The following PDK1 variants were observed in gnomAD, a reference collection of about 807,000 sequenced individuals.
The protein encoded by PDK1 is pyruvate dehydrogenase kinase 1.
Under a neutral mutation model 54.2 loss-of-function variants are expected in PDK1, and 39 were observed. That is an observed-to-expected ratio of 0.72 (90% CI 0.56 to 0.94). The LOEUF is 0.94. PDK1 is among the 40% of genes least tolerant of loss of function. The pLI is 0.00. For synonymous variants in PDK1, 221 were observed against 207.1 expected, an observed-to-expected ratio of 1.07 and a Z score of -0.58; for missense variants, 552 against 566.0, an observed-to-expected ratio of 0.98 and a Z score of 0.25.
intron 9 of PDK1, among the ~76,000 whole-genome samples, chr2:172,588,013 A>T (rs1690356888): frequency 6.6e-6 from 1 of 152,208 alleles, no homozygotes; most frequent in Non-Finnish European, 1.5e-5. Flanking sequence ...CCGACCCAGA[A>T]GCCCAGTCCA....
At chr2:172,673,220 G>A in the PDK1 span, among the ~76,000 whole-genome samples, 1 of 152,196 alleles carries the variant, frequency 6.6e-6, no homozygotes, top group African/African-American at 2.4e-5. Context: ...CTTGGGGTGT[G>A]TTGTCCACAT....
Position 172,602,982 on chromosome 2 carries a change from C to T in PDK1, c.*7013C>T, listed in dbSNP as rs958629778. 4 of 152,136 alleles carry T rather than the reference C, an allele frequency of 2.6e-5. No homozygotes were observed. Among genetic ancestry groups the T allele is most frequent in the African/African-American group, 9.7e-5 (4 of 41,400 alleles). 9.4% of individuals were successfully genotyped at this position (152,136 alleles called of 1,614,324 possible). ...GTTGGCTTGATAAGGACTCACTTAA[C>T]CAATGGAAAGTAAGGTTAAATCTTT... On this transcript the variant is annotated 3_prime_UTR_variant, in exon 11 of 11. Coordinates refer to ENST00000282077, the MANE Select transcript of PDK1 (RefSeq NM_002610.5).
chr2:172,602,951 A>C lies in PDK1; in HGVS notation c.*6982A>C, dbSNP rs527468048. ...AGCTGAACTTGATTGTTACTCTTGGATCAGGGTTGGCTTGATAAGGACTCA... is the reference window on the plus strand; with the variant it reads ...AGCTGAACTTGATTGTTACTCTTGGCTCAGGGTTGGCTTGATAAGGACTCA... On this transcript the variant is annotated 3_prime_UTR_variant, in exon 11 of 11. Coordinates refer to ENST00000282077, the MANE Select transcript of PDK1 (RefSeq NM_002610.5). 3.3e-5 allele frequency: 5 copies of C among 152,310 alleles called. No homozygotes were observed. Among genetic ancestry groups the C allele is most frequent in the Admixed American group, 2.6e-4 (4 of 15,296 alleles). 9.4% of individuals were successfully genotyped at this position (152,310 alleles called of 1,614,324 possible). A position where few individuals can be genotyped will look rare whatever the true frequency, so the allele number is the denominator to read the frequency against.
intron 10 of PDK1, among the ~76,000 whole-genome samples, chr2:172,593,572 T>G (rs1306192689): frequency 6.6e-6 from 1 of 152,226 alleles, no homozygotes; most frequent in Non-Finnish European, 1.5e-5. Context: ...CCTTCATGAG[T>G]CTTTCCAAAA....
In PDK1 at chr2:172,586,360, G is replaced by T; in HGVS notation, c.1028G>T (p.Arg343Leu). The change falls in exon 9 of 11, where the codon CGT becomes CTT. Residue 343 changes from arginine to leucine, a missense_variant. Physicochemically the swap from Arg to Leu is moderately radical, Grantham distance 102 (BLOSUM62 -2). Transcript: ENST00000282077. ...NYMYSTAPRPRVETSRAVPLA... is the reference protein window; with the variant it reads ...NYMYSTAPRPLVETSRAVPLA... ...ATGTATTCAACTGCACCAAGACCTC[G>T]TGTTGAGACCTCCCGCGCAGTGCCT... The T allele has an allele frequency of 1.2e-6, 2 of 1,610,864 alleles. No individual in the cohort carries two copies. The highest frequency in any genetic ancestry group is 1.7e-6 in the Non-Finnish European group (2 of 1,177,300).
chr2:172,686,363 C>T, the PDK1 span, among the ~76,000 whole-genome samples: 26 of 152,014 alleles, frequency 1.7e-4, no homozygotes, highest in Admixed American at 7.2e-4. Context: ...CACCAATCGG[C>T]GCTTTGTAAC....
chr2:172,681,399 CT>C, the PDK1 span, among the ~76,000 whole-genome samples: 1 of 152,178 alleles, frequency 6.6e-6, no homozygotes, highest in African/African-American at 2.4e-5. Flanking sequence ...AATTAGTGTT[CT>C]CTTTTCTAAT....
At chr2:172,569,825 C>CT (rs1289604422) in intron 7 of PDK1, among the ~76,000 whole-genome samples, 1 of 152,218 alleles carries the variant, frequency 6.6e-6, no homozygotes, top group Non-Finnish European at 1.5e-5. Context: ...GCATAAACCA[C>CT]TGCACCTAGC....
the PDK1 span, chr2:172,674,335 C>T: frequency 1.3e-5 from 2 of 152,412 alleles, no homozygotes; most frequent in Non-Finnish European, 2.9e-5. Context: ...GTCCTGTGAG[C>T]TTGGCTGGGG....
chr2:172,561,938 T>TA lies in PDK1; in HGVS notation c.339-273dup, dbSNP rs954181472. 4.0e-5 allele frequency among the ~76,000 whole-genome samples: 6 copies of TA among 151,526 alleles called. No homozygotes were observed. The East Asian group carries it at 5.8e-4, about 15-fold the overall frequency. On this transcript the variant is annotated intron_variant, in intron 2 of 10. Transcript: ENST00000282077. The stretch of plus-strand genomic sequence containing the variant: ...TATACTGTAATGTACAGTGGTAAAT[T>TA]AAAAAAAAATTAAAAGCCATTTTAG...
At chr2:172,645,744 A>G in the PDK1 span, among the ~76,000 whole-genome samples, 1 of 152,234 alleles carries the variant, frequency 6.6e-6, no homozygotes, top group Non-Finnish European at 1.5e-5. Flanking sequence ...AGCAGTGGTC[A>G]CTGCAACCTT....
the PDK1 span, among the ~76,000 whole-genome samples, chr2:172,679,462 A>G: frequency 1.5e-4 from 23 of 152,304 alleles, no homozygotes; most frequent in African/African-American, 5.5e-4. Context: ...AACAACAACA[A>G]CAACAAAAGA....
At position 172,599,034 on chromosome 2, in the gene PDK1, T is replaced by G. The variant is rs554958336; in HGVS notation, c.*3065T>G. The G allele has an allele frequency of 6.6e-6, 1 of 152,210 alleles. No individual in the cohort carries two copies. The highest frequency in any genetic ancestry group is 2.1e-4 in the South Asian group (1 of 4,820). 9.4% of individuals were successfully genotyped at this position (152,210 alleles called of 1,614,324 possible). A position where few individuals can be genotyped will look rare whatever the true frequency, so the allele number is the denominator to read the frequency against. On this transcript the variant is annotated 3_prime_UTR_variant, in exon 11 of 11. Coordinates refer to ENST00000282077, the MANE Select transcript of PDK1 (RefSeq NM_002610.5). ...GTTTGTATGTTTGACTTACCTTAGA[T>G]TTTTATTTTCCATACATACTGCAAA...
the PDK1 span, among the ~76,000 whole-genome samples, chr2:172,720,566 C>T: frequency 6.6e-6 from 1 of 152,284 alleles, no homozygotes; most frequent in East Asian, 1.9e-4. Context: ...TGTGATCCTA[C>T]TTCTCCTTTT....
intron 2 of PDK1, among the ~76,000 whole-genome samples, chr2:172,560,437 G>T (rs112602220): frequency 6.6e-6 from 1 of 152,190 alleles, no homozygotes; most frequent in Admixed American, 6.5e-5. Flanking sequence ...CAAAGTGTTG[G>T]TATTACAGAC....
chr2:172,587,395 C>T (rs1015831142), intron 9 of PDK1, among the ~76,000 whole-genome samples: 1 of 150,702 alleles, frequency 6.6e-6, no homozygotes, highest in African/African-American at 2.4e-5. Flanking sequence ...GGTTCGTGGT[C>T]TTGCTGGCTT....
the PDK1 span, among the ~76,000 whole-genome samples, chr2:172,617,817 T>C: frequency 6.6e-6 from 1 of 152,194 alleles, no homozygotes; most frequent in African/African-American, 2.4e-5. Context: ...CTGTGAATAT[T>C]TTTGTGCATT....
the PDK1 span, among the ~76,000 whole-genome samples, chr2:172,664,744 C>T: frequency 6.6e-6 from 1 of 151,870 alleles, no homozygotes; most frequent in Non-Finnish European, 1.5e-5. Context: ...TTATGCCTTT[C>T]TTATTCTCCT....
At chr2:172,622,648 ATC>A in the PDK1 span, among the ~76,000 whole-genome samples, 2 of 138,844 alleles carry the variant, frequency 1.4e-5, no homozygotes, top group Non-Finnish European at 3.2e-5. Flanking sequence ...ATATGTTTAT[ATC>A]TCATGTGAGA....
Sources: gnomAD v4.1 joint callset for allele counts (sites outside exome capture counted in the v4.1 genomes callset) on GRCh38, gnomAD v4.1.1 for gene constraint, MANE v1.5 for transcripts, NCBI Gene and HGNC (gene_info 2026-07-23, HGNC 2026-07-21) for gene names.